Variants in CALN1 observed in about 807,000 individuals in gnomAD.
CALN1 encodes calneuron 1.
In CALN1, 17 loss-of-function variants were observed where a neutral mutation model predicts 30.6. That is an observed-to-expected ratio of 0.56 (90% CI 0.38 to 0.83). The LOEUF is 0.83. Ranked by LOEUF, CALN1 falls within the 40% of genes least tolerant of loss-of-function variation. The pLI is 0.00. For synonymous variants in CALN1, 156 were observed against 131.4 expected, an observed-to-expected ratio of 1.19 and a Z score of -1.28; for missense variants, 291 against 354.9, an observed-to-expected ratio of 0.82 and a Z score of 1.45.
In CALN1 at chr7:71,783,691, C is replaced by T. The variant is rs3801156; in HGVS notation, c.*4084G>A. ...TGCAAAACTGTCTTTGATTTATGAC[C>T]TGAGTCTGGACTTAAACCGAGTACG... On this transcript the variant is annotated 3_prime_UTR_variant, in exon 7 of 7. Transcript: ENST00000395275. 22,526 of 152,686 alleles carry T rather than the reference C, an allele frequency of 0.15. 2,151 individuals carry two copies. Among genetic ancestry groups the T allele is most frequent in the East Asian group, 0.51 (2,617 of 5,166 alleles). The allele number at this position is 152,686 out of a possible 1,614,324, so 9.5% of individuals were successfully genotyped here.
At chr7:71,840,256 A>C (rs1306924324) in intron 5 of CALN1, among the ~76,000 whole-genome samples, 1 of 152,090 alleles carries the variant, frequency 6.6e-6, no homozygotes, top group Non-Finnish European at 1.5e-5. Context: ...TGAGCCCAGG[A>C]GTTCAATGCT....
intron 3 of CALN1, among the ~76,000 whole-genome samples, chr7:72,194,380 A>T (rs1357908345): frequency 3.9e-5 from 6 of 151,922 alleles, no homozygotes; most frequent in African/African-American, 1.4e-4. Context: ...AAAATACAAA[A>T]TTAGCCAGGT....
intron 1 of CALN1, among the ~76,000 whole-genome samples, chr7:72,421,573 CT>C (rs772198450): frequency 0.014 from 804 of 58,548 alleles, 6 homozygotes; most frequent in African/African-American, 0.057. Flanking sequence ...TTTTATCCTA[CT>C]TTTTTTTTTT....
At chr7:72,125,956 C>G (rs1019945700) in intron 3 of CALN1, among the ~76,000 whole-genome samples, 4 of 152,064 alleles carry the variant, frequency 2.6e-5, no homozygotes, top group Non-Finnish European at 5.9e-5. Context: ...CGTGCCACCA[C>G]GCCCAGCTAA....
At chr7:72,331,516 C>T (rs557712283) in intron 2 of CALN1, among the ~76,000 whole-genome samples, 1 of 152,198 alleles carries the variant, frequency 6.6e-6, no homozygotes, top group East Asian at 1.9e-4. Flanking sequence ...GTAACAATAA[C>T]GGAGGACAGG....
intron 2 of CALN1, among the ~76,000 whole-genome samples, chr7:72,388,159 A>T (rs1282880602): frequency 6.6e-6 from 1 of 152,214 alleles, no homozygotes; most frequent in Non-Finnish European, 1.5e-5. Context: ...TGAAGTGATG[A>T]ATATGCTAAT....
chr7:71,917,284 G>C (rs542837324), intron 5 of CALN1, among the ~76,000 whole-genome samples: 1 of 152,292 alleles, frequency 6.6e-6, no homozygotes, highest in African/African-American at 2.4e-5. Context: ...GAAATGGGGA[G>C]ACAGATGTTG....
rs538296838 is a variant in CALN1 at position 72,359,660 on chromosome 7, G to C, written c.119+43591C>G. Among the ~76,000 whole-genome samples, 3 of 152,168 alleles carry C rather than the reference G, an allele frequency of 2.0e-5. No individual in the cohort carries two copies. In the South Asian group the frequency reaches 6.2e-4, roughly 32 times the overall value. On this transcript the variant is annotated intron_variant, in intron 2 of 6. Coordinates refer to ENST00000395275, the MANE Select transcript of CALN1 (RefSeq NM_031468.4). ...GAAAACCTCATACAAACTCAATCAAGTGGAGGAACCTTGTGAAAGTTGACC... is the reference window on the plus strand; with the variant it reads ...GAAAACCTCATACAAACTCAATCAACTGGAGGAACCTTGTGAAAGTTGACC...
intron 2 of CALN1, among the ~76,000 whole-genome samples, chr7:72,308,401 GAGA>G: frequency 8.3e-6 from 1 of 121,176 alleles, no homozygotes; most frequent in African/African-American, 2.9e-5. Context: ...GAGAGAGAGA[GAGA>G]GGAAAGAAAG....
intron 5 of CALN1, among the ~76,000 whole-genome samples, chr7:71,825,066 C>CAGGAA (rs1788832351): frequency 6.6e-6 from 1 of 152,166 alleles, no homozygotes; most frequent in African/African-American, 2.4e-5. Flanking sequence ...CCTTGGTCCC[C>CAGGAA]ACAGCGCAAA....
At position 72,403,447 on chromosome 7, in the gene CALN1, A is replaced by C; in HGVS notation, c.-73-5T>G. ...GTCAGCGAAGGCACTGAGACTCTGAAAGGAGTTGACAGAAACTTACAGCCT... is the reference window on the plus strand; with the variant it reads ...GTCAGCGAAGGCACTGAGACTCTGACAGGAGTTGACAGAAACTTACAGCCT... On this transcript the variant is annotated splice_region_variant and splice_polypyrimidine_tract_variant and intron_variant, in intron 1 of 6. Coordinates refer to ENST00000395275, the MANE Select transcript of CALN1 (RefSeq NM_031468.4). 1 of 1,201,636 alleles carries C rather than the reference A, an allele frequency of 8.3e-7. No homozygotes were observed. The allele number at this position is 1,201,636 out of a possible 1,614,324, so 74.4% of individuals were successfully genotyped here. A position where few individuals can be genotyped will look rare whatever the true frequency, so the allele number is the denominator to read the frequency against.
rs190756044 is a variant in CALN1, at chr7:71,994,204, A to G, written c.501+29453T>C. 1.4e-3 allele frequency among the ~76,000 whole-genome samples: 207 copies of G among 152,324 alleles called. 1 individual carries two copies. The highest frequency in any genetic ancestry group is 4.6e-3 in the African/African-American group (191 of 41,574). ...GTACAAAGGAATGACAATGTAAATA[A>G]AAACTGTTTACAGATAGTAAAATTG... is the stretch of plus-strand genomic sequence containing the variant. On this transcript the variant is annotated intron_variant, in intron 5 of 6. Coordinates refer to ENST00000395275, the MANE Select transcript of CALN1 (RefSeq NM_031468.4).
At chr7:72,450,050 T>C (rs1186566489), upstream of CALN1, among the ~76,000 whole-genome samples, 1 of 151,712 alleles carries the variant, frequency 6.6e-6, no homozygotes, top group Non-Finnish European at 1.5e-5. Context: ...TACAAAAAAT[T>C]TAAAAGCTAG....
chr7:71,932,829 A>C (rs1795629225), intron 5 of CALN1, among the ~76,000 whole-genome samples: 2 of 151,856 alleles, frequency 1.3e-5, no homozygotes, highest in Middle Eastern at 3.4e-3. Flanking sequence ...AAAAAAAAAA[A>C]AAAGAGAAGT....
At chr7:72,040,647 C>T (rs193070555) in intron 4 of CALN1, among the ~76,000 whole-genome samples, 2 of 152,252 alleles carry the variant, frequency 1.3e-5, no homozygotes, top group East Asian at 1.9e-4. Context: ...CTATGGAGCC[C>T]TAATCCATAT....
intron 3 of CALN1, among the ~76,000 whole-genome samples, chr7:72,153,274 T>C (rs1432873488): frequency 6.6e-6 from 1 of 152,174 alleles, no homozygotes; most frequent in East Asian, 1.9e-4. Context: ...ATATGCCCAC[T>C]GTTCCAGTAG....
chr7:72,468,220 A>G, the CALN1 span, among the ~76,000 whole-genome samples: 1 of 152,168 alleles, frequency 6.6e-6, no homozygotes, highest in Non-Finnish European at 1.5e-5. Flanking sequence ...CTGTACATGT[A>G]TTTATTTGAG....
At chr7:72,108,096 G>A (rs1328899707) in intron 3 of CALN1, among the ~76,000 whole-genome samples, 1 of 152,182 alleles carries the variant, frequency 6.6e-6, no homozygotes, top group Non-Finnish European at 1.5e-5. Flanking sequence ...GCAGAGCTGT[G>A]CTCCCCGTGA....
At chr7:71,828,706 A>G (rs1313130094) in intron 5 of CALN1, among the ~76,000 whole-genome samples, 1 of 138,720 alleles carries the variant, frequency 7.2e-6, no homozygotes, top group African/African-American at 3.2e-5. Context: ...ATATATACAT[A>G]TATATATGTA....
Sources: allele counts gnomAD v4.1 joint callset (sites outside exome capture counted in the v4.1 genomes callset), GRCh38; gene constraint gnomAD v4.1.1; transcripts MANE v1.5; gene names NCBI Gene and HGNC (gene_info 2026-07-23, HGNC 2026-07-21).